AEBP2: variants seen among roughly 807,000 people sequenced by gnomAD.
AEBP2 encodes zinc finger protein AEBP2.
A neutral mutation model predicts 50.8 loss-of-function variants in AEBP2; 10 were observed. The ratio of observed to expected loss-of-function variants is 0.20; its 90% CI spans 0.12 to 0.33. AEBP2 has a LOEUF of 0.33. Among genes scored for constraint, AEBP2 ranks in the 10% least tolerant of loss-of-function variants. AEBP2 has a pLI of 1.00. For missense variants in AEBP2, 570 were observed against 688.0 expected (o/e 0.83, Z 1.92); for synonymous variants, 296 against 261.3 (o/e 1.13, Z -1.28).
At chr12:19,456,623 C>T (rs1357117537) in intron 1 of AEBP2, 174 of 1,521,476 alleles carry the variant, frequency 1.1e-4, no homozygotes, top group Non-Finnish European at 1.5e-4. Flanking sequence ...TGAAGCCAGC[C>T]GCTTCCATTG....
intron 3 of AEBP2, among the ~76,000 whole-genome samples, chr12:19,484,888 C>T (rs538141849): frequency 6.6e-6 from 1 of 151,886 alleles, no homozygotes; most frequent in Non-Finnish European, 1.5e-5. Context: ...ACTTTAACAC[C>T]CCAGTGTTTC....
Position 19,515,223 on chromosome 12 carries a change from T to TTATAA in AEBP2, c.1481+439_1481+440insTATAA, listed in dbSNP as rs1475918694. Among the ~76,000 whole-genome samples, 5 of 152,336 alleles carry TTATAA rather than the reference T, an allele frequency of 3.3e-5. No homozygotes were observed. In the East Asian group the frequency reaches 9.6e-4, roughly 29 times the overall value. ...CAAATATTATTTGTTTTTTAAGACA[T>TTATAA]AGCTTAGAGTGTTCACATTTCTAGT... On this transcript the variant is annotated intron_variant, in intron 7 of 7. Coordinates refer to ENST00000266508, the MANE Select transcript of AEBP2 (RefSeq NM_153207.5).
At chr12:19,455,260 T>C (rs1948247226) in intron 1 of AEBP2, among the ~76,000 whole-genome samples, 1 of 152,142 alleles carries the variant, frequency 6.6e-6, no homozygotes, top group South Asian at 2.1e-4. Context: ...CCCAAGTTGC[T>C]GGGATTGTAG....
rs899854638 is a variant in AEBP2, at chr12:19,519,851, G to C, written c.*1734G>C. On this transcript the variant is annotated 3_prime_UTR_variant, in exon 8 of 8. Coordinates refer to ENST00000266508, the MANE Select transcript of AEBP2 (RefSeq NM_153207.5). Reference sequence around the variant, plus strand: ...GAAAATGAGTCTTATAAAATTAAGTGAAGTGCAAATAAAAGCACTGCTACT... The same window carrying C: ...GAAAATGAGTCTTATAAAATTAAGTCAAGTGCAAATAAAAGCACTGCTACT... The C allele has an allele frequency of 1.3e-5, 2 of 152,314 alleles. No individual in the cohort carries two copies. The highest frequency in any genetic ancestry group is 2.9e-5 in the Non-Finnish European group (2 of 67,954). 9.4% of individuals were successfully genotyped at this position (152,314 alleles called of 1,614,324 possible).
intron 3 of AEBP2, among the ~76,000 whole-genome samples, 157 bp from the exon 4 acceptor site, chr12:19,493,643 A>G (rs1024525875): frequency 6.6e-6 from 1 of 152,206 alleles, no homozygotes; most frequent in African/African-American, 2.4e-5. Flanking sequence ...CTTACTTCGT[A>G]AAGTGAAAAG....
At chr12:19,479,717 G>GTTTCTTTTTTTTTTTTTTTTTTTT (rs1948698002) in intron 3 of AEBP2, among the ~76,000 whole-genome samples, 1 of 22,314 alleles carries the variant, frequency 4.5e-5, no homozygotes, top group Non-Finnish European at 9.0e-5. Context: ...CTCTTTGTGG[G>GTTTCTTTTTTTTTTTTTTTTTTTT]TTTTTTTTTT....
chr12:19,413,952 G>A lies in AEBP2; in HGVS notation c.-17+9736G>A, dbSNP rs1346802972. Among the ~76,000 whole-genome samples, 13 of 151,236 alleles carry A rather than the reference G, an allele frequency of 8.6e-5. No homozygotes were observed. In the East Asian group the frequency reaches 9.7e-4, roughly 11 times the overall value. On this transcript the variant is annotated intron_variant, in intron 1 of 3. Transcript: ENST00000538425. ...TGTGTCACCCAGGCTGGAGTGCAGCGCCGCCATCTCAGCTCACTGCAACCT... is the reference window on the plus strand; with the variant it reads ...TGTGTCACCCAGGCTGGAGTGCAGCACCGCCATCTCAGCTCACTGCAACCT...
chr12:19,479,748 T>TTTTA (rs1328091956), intron 3 of AEBP2, among the ~76,000 whole-genome samples: 2 of 114,276 alleles, frequency 1.8e-5, no homozygotes, highest in Non-Finnish European at 3.6e-5. Flanking sequence ...TTTTTTTTTT[T>TTTTA]ACTATTGTTG....
intron 3 of AEBP2, among the ~76,000 whole-genome samples, chr12:19,491,219 TAA>T (rs1013782589): frequency 2.0e-5 from 3 of 152,194 alleles, no homozygotes; most frequent in African/African-American, 7.2e-5. Flanking sequence ...TTTTAAATTT[TAA>T]ATATAGAAAT....
intron 2 of AEBP2, among the ~76,000 whole-genome samples, chr12:19,465,614 A>G (rs11044577): frequency 0.022 from 3,275 of 151,846 alleles, 42 homozygotes; most frequent in East Asian, 0.043. Flanking sequence ...CTGGTCTCCA[A>G]CTCCTCGACT....
intron 3 of AEBP2, among the ~76,000 whole-genome samples, chr12:19,478,942 C>A (rs1948688777): frequency 6.6e-6 from 1 of 152,046 alleles, no homozygotes; most frequent in African/African-American, 2.4e-5. Flanking sequence ...TATATCCTGG[C>A]CAGGCATGGT....
intron 1 of AEBP2, among the ~76,000 whole-genome samples, chr12:19,430,893 C>T (rs1002767046): frequency 1.3e-5 from 2 of 151,508 alleles, no homozygotes; most frequent in Non-Finnish European, 2.9e-5. Context: ...TGTGATGGCG[C>T]ATTCCTGTAG....
At chr12:19,423,297 G>T (rs1312099452) in intron 1 of AEBP2, among the ~76,000 whole-genome samples, 1 of 151,944 alleles carries the variant, frequency 6.6e-6, no homozygotes, top group Non-Finnish European at 1.5e-5. Flanking sequence ...CCTCCCCATT[G>T]CCTTCAGTTC....
chr12:19,456,313 C>T, intron 1 of AEBP2: 3 of 1,480,306 alleles, frequency 2.0e-6, no homozygotes. Flanking sequence ...TTCTTGTTCA[C>T]TGCTTTGATG....
intron 1 of AEBP2, among the ~76,000 whole-genome samples, chr12:19,416,501 G>A (rs1163812107): frequency 1.3e-5 from 2 of 151,908 alleles, no homozygotes; most frequent in African/African-American, 4.8e-5. Flanking sequence ...CGTCTCCCAG[G>A]CTCAAGCGAT....
chr12:19,465,913 T>C (rs1212340626), intron 2 of AEBP2, among the ~76,000 whole-genome samples: 1 of 151,134 alleles, frequency 6.6e-6, no homozygotes, highest in African/African-American at 2.4e-5. Context: ...TGCCTCAGCA[T>C]CTTGAGTAGC....
At chr12:19,449,460 A>G (rs1204049804) in intron 1 of AEBP2, among the ~76,000 whole-genome samples, 4 of 152,232 alleles carry the variant, frequency 2.6e-5, no homozygotes, top group Non-Finnish European at 4.4e-5. Flanking sequence ...TAGATTTGAT[A>G]TGAGAAATTT....
At chr12:19,454,765 G>A (rs897391690) in intron 1 of AEBP2, among the ~76,000 whole-genome samples, 1 of 152,030 alleles carries the variant, frequency 6.6e-6, no homozygotes, top group East Asian at 1.9e-4. Flanking sequence ...CCAAAGATAC[G>A]GCAGGTGGGT....
At chr12:19,460,740 C>T (rs927653205) in intron 1 of AEBP2, among the ~76,000 whole-genome samples, 4 of 151,576 alleles carry the variant, frequency 2.6e-5, no homozygotes, top group Non-Finnish European at 4.4e-5. Flanking sequence ...CAGCAGTCTC[C>T]GCCTCCTGGG....
Sources: allele counts gnomAD v4.1 joint callset (sites outside exome capture counted in the v4.1 genomes callset), GRCh38; gene constraint gnomAD v4.1.1; transcripts MANE v1.5; gene names NCBI Gene and HGNC (gene_info 2026-07-23, HGNC 2026-07-21).